Variants in NCOA1 observed in about 807,000 individuals in gnomAD.
NCOA1 encodes Hin-2 protein.
In NCOA1, 35 loss-of-function variants were observed where a neutral mutation model predicts 150.9. The ratio of observed to expected loss-of-function variants is 0.23; its 90% CI spans 0.18 to 0.31. The LOEUF (loss-of-function observed/expected upper bound fraction) is 0.31. NCOA1 is among the 10% of genes least tolerant of loss of function. NCOA1 has a pLI of 1.00. For missense variants in NCOA1, 1,491 were observed against 1,749.3 expected, an observed-to-expected ratio of 0.85 and a Z score of 2.63; for synonymous variants, 590 against 630.0, an observed-to-expected ratio of 0.94 and a Z score of 0.95.
intron 3 of NCOA1, among the ~76,000 whole-genome samples, chr2:24,603,856 G>A (rs1668238668): frequency 6.6e-6 from 1 of 152,204 alleles, no homozygotes; most frequent in Non-Finnish European, 1.5e-5. Context: ...CATCCAGTAT[G>A]ATGAAGCCTT....
chr2:24,762,888 C>A, intron 22 of NCOA1, 112 bp downstream of exon 22: 1 of 887,180 alleles, frequency 1.1e-6, no homozygotes, highest in Non-Finnish European at 1.8e-6. Flanking sequence ...GGGTGTGAGT[C>A]CTGGCTCTGC....
At chr2:24,636,821 T>C (rs1374808641) in intron 3 of NCOA1, among the ~76,000 whole-genome samples, 1 of 152,098 alleles carries the variant, frequency 6.6e-6, no homozygotes, top group Admixed American at 6.5e-5. Flanking sequence ...TTATCATGAA[T>C]GGGTGCTGAT....
At chr2:24,675,551 C>T (rs571544877) in intron 7 of NCOA1, among the ~76,000 whole-genome samples, 4 of 152,190 alleles carry the variant, frequency 2.6e-5, no homozygotes, top group South Asian at 2.1e-4. Flanking sequence ...AGAGGAAATC[C>T]GAGTATTCTT....
intron 5 of NCOA1, among the ~76,000 whole-genome samples, chr2:24,663,065 G>C (rs528882311): frequency 1.3e-5 from 2 of 151,998 alleles, no homozygotes; most frequent in South Asian, 4.2e-4. Flanking sequence ...AAAGTTCTGG[G>C]ATTACAGATG....
chr2:24,766,464 C>T (rs1665069642), intron 22 of NCOA1, among the ~76,000 whole-genome samples: 2 of 152,068 alleles, frequency 1.3e-5, no homozygotes, highest in African/African-American at 4.8e-5. Flanking sequence ...ATGAATCTTG[C>T]TCCAGTGTTT....
rs772353958 is a variant in NCOA1 at position 24,711,053 on chromosome 2, G to A, written c.2541G>A (p.Ser847=). ...DGAVTSVTIK[S]EILPASLQSA... The stretch of plus-strand genomic sequence containing the variant: ...CGGTCACCAGTGTAACCATCAAATC[G>A]GAGATCCTGCCAGCTTCACTTCAGT... Residue 847 remains serine, a synonymous_variant, in exon 14 of 23, where the codon TCG becomes TCA. Transcript: ENST00000348332. 54 of 1,613,996 alleles carry A rather than the reference G, an allele frequency of 3.3e-5. 2 individuals carry two copies. The South Asian group carries it at 5.2e-4, about 15-fold the overall frequency.
At chr2:24,547,925 C>A (rs565739986) in intron 1 of NCOA1, among the ~76,000 whole-genome samples, 1 of 132,410 alleles carries the variant, frequency 7.6e-6, no homozygotes, top group East Asian at 2.4e-4. Flanking sequence ...GGAGACGGAG[C>A]TTGCAGTGAG....
chr2:24,702,640 G>T (rs760053179), intron 11 of NCOA1, among the ~76,000 whole-genome samples: 3 of 152,122 alleles, frequency 2.0e-5, no homozygotes, highest in African/African-American at 4.8e-5. Flanking sequence ...CATGTTAAAG[G>T]TTCTTTGGAA....
At chr2:24,719,455 C>A (rs1212092070) in intron 14 of NCOA1, among the ~76,000 whole-genome samples, 1 of 152,090 alleles carries the variant, frequency 6.6e-6, no homozygotes, top group Non-Finnish European at 1.5e-5. Flanking sequence ...GTAAATTATA[C>A]ATCAATGAAG....
At chr2:24,760,704 C>T (rs1450232517) in intron 21 of NCOA1, among the ~76,000 whole-genome samples, 1 of 152,088 alleles carries the variant, frequency 6.6e-6, no homozygotes, top group Non-Finnish European at 1.5e-5. Flanking sequence ...TTTCTCTCCA[C>T]CACTGGTTCT....
In NCOA1 at chr2:24,551,833, CTTTTGT is replaced by C. The variant is rs577208668; in HGVS notation, c.-395-12440_-395-12435del. ...GTAAGACATGAGGTGTGGGTTGAGGCTTTTGTTTTTGTTTTTGTTTTTGTTTTGGCA... is the reference window on the plus strand; with the variant it reads ...GTAAGACATGAGGTGTGGGTTGAGGCTTTTGTTTTTGTTTTTGTTTTGGCA... On this transcript the variant is annotated intron_variant, in intron 1 of 22. Coordinates refer to ENST00000348332, the MANE Select transcript of NCOA1 (RefSeq NM_003743.5). Among the ~76,000 whole-genome samples the C allele has an allele frequency of 1.1e-4, 16 of 152,120 alleles. No individual in the cohort carries two copies. In the South Asian group the frequency reaches 1.5e-3, roughly 14 times the overall value.
chr2:24,729,407 A>G (rs1211968037), intron 16 of NCOA1, 94 bp from the exon 17 acceptor site: 2 of 1,224,712 alleles, frequency 1.6e-6, no homozygotes, highest in East Asian at 4.8e-5. Flanking sequence ...ATGAATTCAG[A>G]ATGAATATAT....
At chr2:24,758,188 A>G (rs1572691328) in intron 21 of NCOA1, 32 bp downstream of exon 21, 1 of 1,565,506 alleles carries the variant, frequency 6.4e-7, no homozygotes. Flanking sequence ...CACATGCCAC[A>G]CCACATCACA....
chr2:24,767,742 T>G (rs567056400), intron 22 of NCOA1: 1 of 222,906 alleles, frequency 4.5e-6, no homozygotes, highest in African/African-American at 2.3e-5. Flanking sequence ...GATGCTGATG[T>G]CCTCTTATTG....
chr2:24,619,416 T>A (rs1246962106), intron 3 of NCOA1, among the ~76,000 whole-genome samples: 1 of 152,214 alleles, frequency 6.6e-6, no homozygotes, highest in African/African-American at 2.4e-5. Context: ...GTAGGAGTGA[T>A]CATTTCTCAT....
At chr2:24,671,259 T>G (rs1013091170) in intron 6 of NCOA1, among the ~76,000 whole-genome samples, 1 of 151,460 alleles carries the variant, frequency 6.6e-6, no homozygotes, top group African/African-American at 2.4e-5. Context: ...GTGGAAAAAG[T>G]AAGTTGAAAA....
At chr2:24,608,342 G>A (rs1456734375) in intron 3 of NCOA1, among the ~76,000 whole-genome samples, 1 of 150,080 alleles carries the variant, frequency 6.7e-6, no homozygotes, top group African/African-American at 2.4e-5. Flanking sequence ...GTGCAGTGGT[G>A]CGATCTCTGC....
intron 1 of NCOA1, among the ~76,000 whole-genome samples, chr2:24,541,642 G>T (rs924262282): frequency 6.6e-6 from 1 of 152,052 alleles, no homozygotes; most frequent in African/African-American, 2.4e-5. Context: ...GAAATTATCT[G>T]AAAAAGATTT....
intron 1 of NCOA1, among the ~76,000 whole-genome samples, chr2:24,561,299 T>C (rs7598617): frequency 0.45 from 67,694 of 151,992 alleles, 16,804 homozygotes; most frequent in Admixed American, 0.61. Flanking sequence ...AGGTTTCCTT[T>C]TATATCATTT....
Sources: gnomAD v4.1 joint callset for allele counts (sites outside exome capture counted in the v4.1 genomes callset) on GRCh38, gnomAD v4.1.1 for gene constraint, MANE v1.5 for transcripts, NCBI Gene and HGNC (gene_info 2026-07-23, HGNC 2026-07-21) for gene names.